Variants in CNBD1 observed in about 807,000 individuals in gnomAD.
CNBD1 encodes cyclic nucleotide-binding domain-containing protein 1.
A neutral mutation model predicts 54.4 loss-of-function variants in CNBD1; 71 were observed. The ratio of observed to expected loss-of-function variants is 1.30; its 90% CI spans 1.08 to 1.59. The LOEUF is 1.59. Ranked by LOEUF, CNBD1 falls within the 40% of genes most tolerant of loss-of-function variation. The probability of loss-of-function intolerance (pLI) is 0.00; values close to 1 mark genes in which losing one functional copy is unlikely to be tolerated. For missense variants in CNBD1, 659 were observed against 518.0 expected (o/e 1.27, Z -2.64); for synonymous variants, 182 against 170.7 (o/e 1.07, Z -0.51).
chr8:87,415,623 CA>C (rs1325121832), intron 2 of CNBD1, among the ~76,000 whole-genome samples: 2 of 152,078 alleles, frequency 1.3e-5, no homozygotes, highest in Non-Finnish European at 2.9e-5. Context: ...AATCTAACTA[CA>C]CACTGGTTAA....
chr8:87,324,313 C>T (rs1399044603), intron 8 of CNBD1, among the ~76,000 whole-genome samples: 1 of 127,170 alleles, frequency 7.9e-6, no homozygotes, highest in Non-Finnish European at 1.8e-5. Flanking sequence ...TGATGCTGGC[C>T]TCATAAAATG....
At chr8:87,045,715 A>T (rs1276041110) in intron 4 of CNBD1, among the ~76,000 whole-genome samples, 1 of 118,670 alleles carries the variant, frequency 8.4e-6, no homozygotes, top group Non-Finnish European at 1.6e-5. Context: ...ACAGAGCAAG[A>T]CTCCGTCTCA....
At chr8:87,387,170 A>G (rs529399827), downstream of CNBD1, among the ~76,000 whole-genome samples, 10 of 152,322 alleles carry the variant, frequency 6.6e-5, no homozygotes, top group South Asian at 4.1e-4. Context: ...TGTAAAGACT[A>G]TCGAGGTTAG....
At chr8:86,948,141 T>C (rs928634211) in intron 4 of CNBD1, among the ~76,000 whole-genome samples, 1 of 152,118 alleles carries the variant, frequency 6.6e-6, no homozygotes, top group Non-Finnish European at 1.5e-5. Context: ...TGTACCACAT[T>C]TTCTTTATCC....
intron 8 of CNBD1, among the ~76,000 whole-genome samples, chr8:87,307,385 T>A (rs1809178015): frequency 6.6e-6 from 1 of 152,186 alleles, no homozygotes; most frequent in African/African-American, 2.4e-5. Flanking sequence ...TCAGGTTATT[T>A]GGCAGATTTG....
chr8:87,266,928 G>A lies in CNBD1; in HGVS notation c.772-17750G>A, dbSNP rs116638786. ...GCCTAATGATGAAAGGAAAGACTTC[G>A]AATATTTTAGGTGCTCTTTTCTTCA... On this transcript the variant is annotated intron_variant, in intron 6 of 10. Coordinates refer to ENST00000518476, the MANE Select transcript of CNBD1 (RefSeq NM_173538.3). Among the ~76,000 whole-genome samples the A allele has an allele frequency of 7.9e-3, 1,195 of 151,982 alleles. 12 individuals are homozygous for A. The highest frequency in any genetic ancestry group is 0.027 in the African/African-American group (1,120 of 41,334).
At chr8:87,265,735 G>T (rs963129742) in intron 6 of CNBD1, among the ~76,000 whole-genome samples, 2 of 151,954 alleles carry the variant, frequency 1.3e-5, no homozygotes, top group African/African-American at 4.8e-5. Context: ...ACTGCTTTCT[G>T]CTAAAACAGC....
intron 4 of CNBD1, among the ~76,000 whole-genome samples, chr8:87,066,924 C>G (rs1810666994): frequency 6.6e-6 from 1 of 151,868 alleles, no homozygotes; most frequent in African/African-American, 2.4e-5. Context: ...AGACATTTGG[C>G]TTTTCAGGAT....
chr8:86,880,089 G>A (rs1346615774), intron 1 of CNBD1, among the ~76,000 whole-genome samples: 3 of 152,132 alleles, frequency 2.0e-5, no homozygotes. Flanking sequence ...CTGAACTCAG[G>A]GACATTAGTT....
At position 87,284,783 on chromosome 8, in the gene CNBD1, A is replaced by C. The variant is rs1260631446; in HGVS notation, c.877A>C (p.Ile293Leu). 1.3e-6 allele frequency: 2 copies of C among 1,594,176 alleles called. No homozygotes were observed. The highest frequency in any genetic ancestry group is 4.5e-5 in the East Asian group (2 of 44,314). Reference protein sequence around the residue: ...VTEDDCEILKIPAKGYAKIKE... With the variant: ...VTEDDCEILKLPAKGYAKIKE... ...AGAAGACGATTGTGAAATTCTTAAAATCCCAGCAAAGGGATATGCAAAGAT... is the reference window on the plus strand; with the variant it reads ...AGAAGACGATTGTGAAATTCTTAAACTCCCAGCAAAGGGATATGCAAAGAT... The change falls in exon 7 of 11, where the codon ATC becomes CTC. Residue 293 changes from isoleucine (I) to leucine (L), a missense_variant. Coordinates refer to ENST00000518476, the MANE Select transcript of CNBD1 (RefSeq NM_173538.3).
At chr8:87,144,712 T>C (rs941379118) in intron 4 of CNBD1, among the ~76,000 whole-genome samples, 9 of 151,852 alleles carry the variant, frequency 5.9e-5, no homozygotes, top group Non-Finnish European at 1.2e-4. Flanking sequence ...TCCCAGCTAC[T>C]TGGGAGGCTG....
chr8:87,187,005 A>G (rs1586315819), intron 4 of CNBD1, among the ~76,000 whole-genome samples: 1 of 152,222 alleles, frequency 6.6e-6, no homozygotes, highest in Non-Finnish European at 1.5e-5. Context: ...TCAAGTATCA[A>G]TTTTTCCTAC....
chr8:87,241,781 T>C (rs1011941769), intron 6 of CNBD1, among the ~76,000 whole-genome samples: 14 of 152,186 alleles, frequency 9.2e-5, no homozygotes, highest in African/African-American at 3.4e-4. Flanking sequence ...AACAAAATGA[T>C]ACTTATTTGT....
At chr8:86,953,097 A>G (rs1482926909) in intron 4 of CNBD1, among the ~76,000 whole-genome samples, 1 of 152,170 alleles carries the variant, frequency 6.6e-6, no homozygotes, top group Non-Finnish European at 1.5e-5. Flanking sequence ...ATAGCAATCC[A>G]CTGTATGAAT....
chr8:87,150,599 C>G (rs946622828), intron 4 of CNBD1, among the ~76,000 whole-genome samples: 2 of 152,034 alleles, frequency 1.3e-5, no homozygotes, highest in African/African-American at 4.8e-5. Flanking sequence ...TAATAGAGGT[C>G]AAAATTATTG....
intron 6 of CNBD1, among the ~76,000 whole-genome samples, chr8:87,253,846 C>A (rs1807956637): frequency 2.0e-5 from 3 of 152,166 alleles, no homozygotes; most frequent in Admixed American, 2.0e-4. Flanking sequence ...ACTAAATAGT[C>A]ATGAGGATTT....
rs191661537 is a variant in CNBD1, at chr8:87,003,848, G to T, written c.431+64094G>T. Among the ~76,000 whole-genome samples, 13 of 152,262 alleles carry T rather than the reference G, an allele frequency of 8.5e-5. No homozygotes were observed. In the East Asian group the frequency reaches 2.5e-3, roughly 30 times the overall value. Reference sequence around the variant, plus strand: ...AACTGGGAGACTAACCACTGCAGGAGATTGTACCTAAGGAAAAGTGTGGGC... The same window carrying T: ...AACTGGGAGACTAACCACTGCAGGATATTGTACCTAAGGAAAAGTGTGGGC... On this transcript the variant is annotated intron_variant, in intron 4 of 10. Transcript: ENST00000518476.
rs1053585911 is a variant in CNBD1 at position 87,218,306 on chromosome 8, C to T, written c.577+12168C>T. Among the ~76,000 whole-genome samples the T allele has an allele frequency of 2.2e-4, 33 of 152,020 alleles. 1 individual carries two copies. Among genetic ancestry groups the T allele is most frequent in the Admixed American group, 1.8e-3 (27 of 15,234 alleles). ...ATTTCCAACAATGTAAACTTTAATACGCAGTACTGATCTAAAGTTCATTCA... is the reference window on the plus strand; with the variant it reads ...ATTTCCAACAATGTAAACTTTAATATGCAGTACTGATCTAAAGTTCATTCA... On this transcript the variant is annotated intron_variant, in intron 5 of 10. Coordinates refer to ENST00000518476, the MANE Select transcript of CNBD1 (RefSeq NM_173538.3).
chr8:86,976,255 T>A (rs970351256), intron 4 of CNBD1, among the ~76,000 whole-genome samples: 7 of 151,406 alleles, frequency 4.6e-5, no homozygotes, highest in Non-Finnish European at 8.9e-5. Flanking sequence ...TTGTCTATTT[T>A]TGCTTTTGTC....
Sources: gnomAD v4.1 joint callset for allele counts (sites outside exome capture counted in the v4.1 genomes callset) on GRCh38, gnomAD v4.1.1 for gene constraint, MANE v1.5 for transcripts, NCBI Gene and HGNC (gene_info 2026-07-23, HGNC 2026-07-21) for gene names.